The following IL1RAP variants were observed in gnomAD, a reference collection of about 807,000 sequenced individuals.
The protein encoded by IL1RAP is interleukin-1 receptor accessory protein.
Under a neutral mutation model 60.7 loss-of-function variants are expected in IL1RAP, and 35 were observed. The observed-to-expected ratio is 0.58, with a 90% CI of 0.44 to 0.76. The LOEUF (loss-of-function observed/expected upper bound fraction) is 0.76. Among genes scored for constraint, IL1RAP ranks in the 30% least tolerant of loss-of-function variants. The pLI, the probability that IL1RAP is intolerant of heterozygous loss-of-function variation, is 0.00. For missense variants in IL1RAP, 572 were observed against 693.9 expected (o/e 0.82, Z 1.97); for synonymous variants, 268 against 250.9 (o/e 1.07, Z -0.64).
At chr3:190,627,548 T>C in intron 8 of IL1RAP, 99 bp downstream of exon 8, 1 of 1,390,660 alleles carries the variant, frequency 7.2e-7, no homozygotes, top group South Asian at 1.7e-5. Flanking sequence ...TTCTCATTTT[T>C]CCCTATCACT....
chr3:190,555,302 C>CTCTCTACTACGCTTCCT (rs1725314055), intron 1 of IL1RAP, among the ~76,000 whole-genome samples: 2 of 151,284 alleles, frequency 1.3e-5, no homozygotes, highest in Non-Finnish European at 2.9e-5. Flanking sequence ...TTCCTCCCTC[C>CTCTCTACTACGCTTCCT]TCTCTACTCC....
At chr3:190,536,322 G>A (rs907550914) in intron 1 of IL1RAP, among the ~76,000 whole-genome samples, 4 of 151,864 alleles carry the variant, frequency 2.6e-5, no homozygotes, top group South Asian at 2.1e-4. Context: ...CTTAGTTACC[G>A]TTTGCAGCTC....
At chr3:190,582,819 T>C (rs915899850) in intron 3 of IL1RAP, among the ~76,000 whole-genome samples, 2 of 152,232 alleles carry the variant, frequency 1.3e-5, no homozygotes, top group Non-Finnish European at 2.9e-5. Flanking sequence ...GCCTATATGC[T>C]CTTATATGTT....
chr3:190,547,855 C>A (rs1315128780), intron 1 of IL1RAP, among the ~76,000 whole-genome samples: 1 of 152,158 alleles, frequency 6.6e-6, no homozygotes, highest in Non-Finnish European at 1.5e-5. Flanking sequence ...AGAGTCAGAA[C>A]TAGGAGAGGG....
intron 7 of IL1RAP, among the ~76,000 whole-genome samples, chr3:190,625,437 G>A (rs987459978): frequency 6.6e-6 from 1 of 152,114 alleles, no homozygotes; most frequent in Non-Finnish European, 1.5e-5. Context: ...GAGCGAGGGG[G>A]CTAGGGTGAC....
At chr3:190,654,014 T>A, downstream of IL1RAP, among the ~76,000 whole-genome samples, 1 of 152,254 alleles carries the variant, frequency 6.6e-6, no homozygotes, top group Non-Finnish European at 1.5e-5. Flanking sequence ...CTCTTTCAAA[T>A]CTAAACTTCC....
downstream of IL1RAP, among the ~76,000 whole-genome samples, chr3:190,654,469 A>G (rs1665590607): frequency 6.6e-6 from 1 of 151,564 alleles, no homozygotes; most frequent in Non-Finnish European, 1.5e-5. Flanking sequence ...ATTTAAATTT[A>G]TCTCTTAAGA....
Position 190,608,991 on chromosome 3 carries a change from T to C in IL1RAP, c.351-4T>C, listed in dbSNP as rs1253304085. On this transcript the variant is annotated splice_polypyrimidine_tract_variant and splice_region_variant and intron_variant, in intron 4 of 11. Transcript: ENST00000447382. The stretch of plus-strand genomic sequence containing the variant: ...ACCCATTCATTGTATATTTCTTTTT[T>C]CAGGAACACTACATATTGCAGCAAA... The C allele has an allele frequency of 2.5e-6, 4 of 1,609,718 alleles. No homozygotes were observed. Among genetic ancestry groups the C allele is most frequent in the Non-Finnish European group, 3.4e-6 (4 of 1,178,088 alleles).
At chr3:190,574,364 T>C (rs549816983) in intron 3 of IL1RAP, among the ~76,000 whole-genome samples, 7 of 152,316 alleles carry the variant, frequency 4.6e-5, no homozygotes, top group African/African-American at 1.7e-4. Flanking sequence ...AGGAAGAAGA[T>C]TGCAGATGAA....
chr3:190,521,380 T>A (rs1722003912), intron 1 of IL1RAP, among the ~76,000 whole-genome samples: 1 of 151,962 alleles, frequency 6.6e-6, no homozygotes, highest in Admixed American at 6.6e-5. Flanking sequence ...AGGGGCTACA[T>A]ATTTACTACA....
At chr3:190,612,515 C>G (rs1023728891) in intron 5 of IL1RAP, among the ~76,000 whole-genome samples, 1 of 152,142 alleles carries the variant, frequency 6.6e-6, no homozygotes, top group African/African-American at 2.4e-5. Context: ...TTCCCTCCAG[C>G]TGGAAATCAT....
rs567268462 is a variant in IL1RAP at position 190,548,430 on chromosome 3, A to G, written c.-88-7700A>G. Among the ~76,000 whole-genome samples, 16 of 152,342 alleles carry G rather than the reference A, an allele frequency of 1.1e-4. No homozygotes were observed. The South Asian group carries it at 1.7e-3, about 16-fold the overall frequency. On this transcript the variant is annotated intron_variant, in intron 1 of 11. Coordinates refer to ENST00000447382, the MANE Select transcript of IL1RAP (RefSeq NM_002182.4). ...ATTCCAGGGTTCAGAGGGGTTAAGTACATTATCCAAGGCCACACAGTTAAA... is the reference window on the plus strand; with the variant it reads ...ATTCCAGGGTTCAGAGGGGTTAAGTGCATTATCCAAGGCCACACAGTTAAA...
intron 2 of IL1RAP, chr3:190,563,329 C>T (rs965046666): frequency 6.6e-6 from 1 of 152,166 alleles, no homozygotes; most frequent in Non-Finnish European, 1.5e-5. Flanking sequence ...AAGACCTCTG[C>T]AAGCATTCTT....
rs1722873712 is a variant in IL1RAP at position 190,530,214 on chromosome 3, T to C, written c.-89+15995T>C. 2.6e-5 allele frequency among the ~76,000 whole-genome samples: 4 copies of C among 152,312 alleles called. No individual in the cohort carries two copies. In the South Asian group the frequency reaches 8.3e-4, roughly 32 times the overall value. ...GAGATAATATGTGAATACATCATCA[T>C]TGAATGCAAGGAGGCACTATTTTTT... On this transcript the variant is annotated intron_variant, in intron 1 of 11. Coordinates refer to ENST00000447382, the MANE Select transcript of IL1RAP (RefSeq NM_002182.4).
At chr3:190,576,161 A>G (rs2108661493) in intron 3 of IL1RAP, among the ~76,000 whole-genome samples, 1 of 152,350 alleles carries the variant, frequency 6.6e-6, no homozygotes, top group South Asian at 2.1e-4. Context: ...AGTAGTAGAA[A>G]AAATACATGC....
At chr3:190,652,224 G>A (rs567993768), downstream of IL1RAP, among the ~76,000 whole-genome samples, 3 of 151,822 alleles carry the variant, frequency 2.0e-5, no homozygotes, top group East Asian at 3.9e-4. Flanking sequence ...AGCACTTTGG[G>A]AGGCTGAAGC....
At chr3:190,553,363 CACAA>C (rs1301037409) in intron 1 of IL1RAP, among the ~76,000 whole-genome samples, 1 of 152,164 alleles carries the variant, frequency 6.6e-6, no homozygotes, top group Non-Finnish European at 1.5e-5. Context: ...AAAAGGAAAA[CACAA>C]ACAAAAAATA....
intron 6 of IL1RAP, among the ~76,000 whole-genome samples, chr3:190,622,899 C>T (rs1731902737): frequency 1.3e-5 from 2 of 152,198 alleles, no homozygotes; most frequent in Admixed American, 1.3e-4. Context: ...TTGTGTTAAT[C>T]ATCTATGGTC....
downstream of IL1RAP, among the ~76,000 whole-genome samples, chr3:190,652,359 G>A (rs1203247312): frequency 2.6e-5 from 4 of 151,932 alleles, no homozygotes; most frequent in African/African-American, 7.3e-5. Flanking sequence ...CTACTCGGGA[G>A]GCTAAGGCAG....
Sources: allele counts gnomAD v4.1 joint callset (sites outside exome capture counted in the v4.1 genomes callset), GRCh38; gene constraint gnomAD v4.1.1; transcripts MANE v1.5; gene names NCBI Gene and HGNC (gene_info 2026-07-23, HGNC 2026-07-21).